Variants in XPO4 observed in about 807,000 individuals in gnomAD.
XPO4 encodes the protein exportin 4, also known as exportin-4.
Under a neutral mutation model 143.0 loss-of-function variants are expected in XPO4, and 39 were observed. That is an observed-to-expected ratio of 0.27 (90% CI 0.21 to 0.36). The LOEUF (loss-of-function observed/expected upper bound fraction) is 0.36. XPO4 is among the 10% of genes least tolerant of loss of function. XPO4 has a pLI of 1.00. For missense variants in XPO4, 907 were observed against 1,348.0 expected, an observed-to-expected ratio of 0.67 and a Z score of 5.12; for synonymous variants, 439 against 474.0, an observed-to-expected ratio of 0.93 and a Z score of 0.96.
rs115054511 is a variant in XPO4 at position 20,826,514 on chromosome 13, G to A, written c.840+553C>T. 2.0e-3 allele frequency among the ~76,000 whole-genome samples: 301 copies of A among 152,230 alleles called. 2 individuals carry two copies. Among genetic ancestry groups the A allele is most frequent in the African/African-American group, 7.0e-3 (291 of 41,516 alleles). On this transcript the variant is annotated intron_variant, in intron 7 of 22. Transcript: ENST00000255305. ...CACAGGTAAAAAGTGGAATTTCCCC[G>A]AGGCCACACGATGTGCGATACTGCA...
intron 7 of XPO4, among the ~76,000 whole-genome samples, chr13:20,822,829 T>C (rs1423468873): frequency 6.6e-6 from 1 of 152,250 alleles, no homozygotes; most frequent in Non-Finnish European, 1.5e-5. Context: ...ACAATTTGTT[T>C]GAATCTCAGT....
chr13:20,831,896 G>A (rs1261550797), intron 6 of XPO4, among the ~76,000 whole-genome samples: 13 of 141,352 alleles, frequency 9.2e-5, no homozygotes, highest in Non-Finnish European at 1.4e-4. Flanking sequence ...CAATTCTGAA[G>A]TGCTAAAACC....
At chr13:20,890,066 A>AT (rs1313921512) in intron 1 of XPO4, among the ~76,000 whole-genome samples, 3 of 152,238 alleles carry the variant, frequency 2.0e-5, no homozygotes, top group Admixed American at 6.5e-5. Flanking sequence ...TTAAGGATGC[A>AT]TTTAATATCT....
chr13:20,786,799 A>G (rs1386272417), intron 22 of XPO4, among the ~76,000 whole-genome samples, 166 bp downstream of exon 22: 1 of 152,254 alleles, frequency 6.6e-6, no homozygotes, highest in Admixed American at 6.5e-5. Flanking sequence ...ACAAACTGAC[A>G]TGTGAAAGCT....
chr13:20,797,859 A>G lies in XPO4; in HGVS notation c.2323-802T>C, dbSNP rs965647253. Among the ~76,000 whole-genome samples, 5 of 152,326 alleles carry G rather than the reference A, an allele frequency of 3.3e-5. No homozygotes were observed. In the East Asian group the frequency reaches 7.7e-4, roughly 24 times the overall value. On this transcript the variant is annotated intron_variant, in intron 16 of 22. Transcript: ENST00000255305. ...ACCCCAGGATATGAACTTATTTGAT[A>G]ATAGAGTTGGCCGGATGCAGTGGCT...
rs575265718 is a variant in XPO4 at position 20,902,096 on chromosome 13, A to G, written c.69+574T>C. ...TAGCACTAGACCAAGTTTTGCCCCAATGACCTTGGTCTCAACGATTCCCCT... is the reference window on the plus strand; with the variant it reads ...TAGCACTAGACCAAGTTTTGCCCCAGTGACCTTGGTCTCAACGATTCCCCT... On this transcript the variant is annotated intron_variant, in intron 1 of 22. Transcript: ENST00000255305. The G allele has an allele frequency of 2.1e-4, 205 of 985,360 alleles. 2 individuals carry two copies. The African/African-American group carries it at 2.9e-3, about 14-fold the overall frequency. The allele number at this position is 985,360 out of a possible 1,614,324, so 61.0% of individuals were successfully genotyped here. A position where few individuals can be genotyped will look rare whatever the true frequency, so the allele number is the denominator to read the frequency against.
chr13:20,808,688 A>C (rs762916881), intron 11 of XPO4, 107 bp from the exon 12 acceptor site: 150 of 956,750 alleles, frequency 1.6e-4, no homozygotes, highest in Non-Finnish European at 2.0e-4. Flanking sequence ...TAGCGTAAAA[A>C]CACATATACA....
At position 20,782,982 on chromosome 13, in the gene XPO4, GAA is replaced by G. The variant is rs2141463950; in HGVS notation, c.*738_*739del. ...GTTGATGTGAGAGAGAGAGAGAAAA[GAA>G]AGAGAGAGACAGAAAGCAAGAAAAG... On this transcript the variant is annotated 3_prime_UTR_variant, in exon 23 of 23. Coordinates refer to ENST00000255305, the MANE Select transcript of XPO4 (RefSeq NM_022459.5). 1 of 152,008 alleles carries G rather than the reference GAA, an allele frequency of 6.6e-6. No individual in the cohort carries two copies. The highest frequency in any genetic ancestry group is 2.1e-4 in the South Asian group (1 of 4,822). 9.4% of individuals were successfully genotyped at this position (152,008 alleles called of 1,614,324 possible).
chr13:20,881,811 G>C (rs988917263), intron 1 of XPO4, among the ~76,000 whole-genome samples: 1 of 151,840 alleles, frequency 6.6e-6, no homozygotes, highest in South Asian at 2.1e-4. Context: ...TAGATACATC[G>C]GGGAAAAAAT....
chr13:20,841,569 T>C (rs1018142080), intron 6 of XPO4, among the ~76,000 whole-genome samples: 1 of 152,122 alleles, frequency 6.6e-6, no homozygotes, highest in Non-Finnish European at 1.5e-5. Flanking sequence ...ACTGTAAGCT[T>C]TGCCCCATAA....
In XPO4 at chr13:20,788,531, T is replaced by A. The variant is rs2059236768; in HGVS notation, c.3002A>T (p.Asp1001Val). Residue 1001 changes from aspartate to valine, a missense_variant, in exon 20 of 23, where the codon GAT becomes GTT. By Grantham distance (152) the Asp-to-Val change is radical. Transcript: ENST00000255305. ...FPEKIPQLPE[D>V]LFKSLMYSLE... ...GGAGTACATCAGACTTTTAAACAGATCCTCAGGAAGCTGTGGTATTTTTTC... is the reference window on the plus strand; with the variant it reads ...GGAGTACATCAGACTTTTAAACAGAACCTCAGGAAGCTGTGGTATTTTTTC... 6.2e-7 allele frequency: 1 copy of A among 1,613,300 alleles called. No homozygotes were observed. Among genetic ancestry groups the A allele is most frequent in the Non-Finnish European group, 8.5e-7 (1 of 1,179,664 alleles).
intron 1 of XPO4, among the ~76,000 whole-genome samples, chr13:20,891,814 C>G (rs9509422): frequency 6.7e-6 from 1 of 149,250 alleles, no homozygotes; most frequent in African/African-American, 2.5e-5. Flanking sequence ...AGTGAGCCGA[C>G]ATCGCACCAC....
At chr13:20,847,429 G>A (rs56046908) in intron 4 of XPO4, among the ~76,000 whole-genome samples, 1,681 of 152,054 alleles carry the variant, frequency 0.011, 31 homozygotes, top group African/African-American at 0.03. Flanking sequence ...GGAGAACAGA[G>A]GACAGCTTCT....
chr13:20,786,192 A>C (rs1407385008), intron 22 of XPO4, among the ~76,000 whole-genome samples: 2 of 151,900 alleles, frequency 1.3e-5, no homozygotes, highest in Non-Finnish European at 2.9e-5. Flanking sequence ...AGTCTAGAGA[A>C]AGGAGGTCTT....
intron 2 of XPO4, chr13:20,865,431 C>T (rs2060236685): frequency 1.0e-6 from 1 of 984,560 alleles, no homozygotes; most frequent in Non-Finnish European, 1.2e-6. Context: ...GCCACCACAC[C>T]CAGCCTCATC....
At chr13:20,790,727 G>A (rs1453891156) in intron 18 of XPO4, 147 bp from the exon 19 acceptor site, 4 of 663,476 alleles carry the variant, frequency 6.0e-6, no homozygotes, top group Admixed American at 4.9e-5. Context: ...GTCCTGCCTG[G>A]TCTCTGGTGA....
intron 1 of XPO4, among the ~76,000 whole-genome samples, chr13:20,894,126 G>A (rs1356213775): frequency 2.0e-5 from 3 of 152,200 alleles, no homozygotes; most frequent in African/African-American, 4.8e-5. Context: ...ACAGGTGTAA[G>A]CCACGGTGTC....
At chr13:20,876,798 C>T (rs1258706494) in intron 1 of XPO4, among the ~76,000 whole-genome samples, 1 of 152,088 alleles carries the variant, frequency 6.6e-6, no homozygotes, top group African/African-American at 2.4e-5. Flanking sequence ...GTGAGTGTTC[C>T]AGCTCTTAAA....
chr13:20,827,175 G>A lies in XPO4; in HGVS notation c.732C>T (p.Gly244=). The change falls in exon 7 of 23, where the codon GGC becomes GGT. Residue 244 remains glycine, a synonymous_variant. Transcript: ENST00000255305. Reference sequence around the variant, plus strand: ...ATTCAAACATAGCTATATAATGTCTGCCCAGTTATTTGGTGTCAAGGTCAA... The same window carrying A: ...ATTCAAACATAGCTATATAATGTCTACCCAGTTATTTGGTGTCAAGGTCAA... ...LSWNFLPPNL[G]RHYIAMFESS... is the part of the protein sequence containing the mutation. The A allele has an allele frequency of 3.7e-6, 6 of 1,610,768 alleles. No homozygotes were observed. Among genetic ancestry groups the A allele is most frequent in the Non-Finnish European group, 5.1e-6 (6 of 1,177,076 alleles).
Sources: gnomAD v4.1 joint callset for allele counts (sites outside exome capture counted in the v4.1 genomes callset) on GRCh38, gnomAD v4.1.1 for gene constraint, MANE v1.5 for transcripts, NCBI Gene and HGNC (gene_info 2026-07-23, HGNC 2026-07-21) for gene names.